CSPP1: variants seen among roughly 807,000 people sequenced by gnomAD.
CSPP1 encodes the protein centrosome and spindle pole associated protein 1.
A neutral mutation model predicts 164.4 loss-of-function variants in CSPP1; 126 were observed. That is an observed-to-expected ratio of 0.77 (90% CI 0.66 to 0.89). CSPP1 has a LOEUF of 0.89. Among genes scored for constraint, CSPP1 ranks in the 40% least tolerant of loss-of-function variants. CSPP1 has a pLI of 0.00. For missense variants in CSPP1, 1,395 were observed against 1,449.8 expected (o/e 0.96, Z 0.61); for synonymous variants, 472 against 476.7 (o/e 0.99, Z 0.13).
intron 28 of CSPP1, among the ~76,000 whole-genome samples, chr8:67,183,116 A>G (rs1833458049): frequency 6.6e-6 from 1 of 152,238 alleles, no homozygotes; most frequent in African/African-American, 2.4e-5. Flanking sequence ...TTTAGCTCTT[A>G]ATGTTTAGAT....
Position 67,195,736 on chromosome 8 carries a change from G to GTATAT in CSPP1, c.*147_*151dup. On this transcript the variant is annotated 3_prime_UTR_variant, in exon 31 of 31. Transcript: ENST00000678616. ...TATATAAAATTATTTTTATCATGAT[G>GTATAT]TATATTATGTACATAAATAAAAGGC... 1.6e-6 allele frequency: 1 copy of GTATAT among 628,388 alleles called. No individual in the cohort carries two copies. Among genetic ancestry groups the GTATAT allele is most frequent in the Non-Finnish European group, 2.8e-6 (1 of 353,498 alleles). The allele number at this position is 628,388 out of a possible 1,614,324, so 38.9% of individuals were successfully genotyped here. A position where few individuals can be genotyped will look rare whatever the true frequency, so the allele number is the denominator to read the frequency against.
In CSPP1 at chr8:67,132,191, C is replaced by G. The variant is rs1821371705; in HGVS notation, c.1827+111C>G. 5 of 1,115,392 alleles carry G rather than the reference C, an allele frequency of 4.5e-6. No homozygotes were observed. The South Asian group carries it at 9.0e-5, about 20-fold the overall frequency. 69.1% of individuals were successfully genotyped at this position (1,115,392 alleles called of 1,614,324 possible). A position where few individuals can be genotyped will look rare whatever the true frequency, so the allele number is the denominator to read the frequency against. On this transcript the variant is annotated intron_variant, in intron 16 of 30. Coordinates refer to ENST00000678616, the MANE Select transcript of CSPP1 (RefSeq NM_001382391.1). Reference sequence around the variant, plus strand: ...GGAAAAAAAACAGTTAATTATAATTCAAAATGCTGAGTTTTGAAGTGGATA... The same window carrying G: ...GGAAAAAAAACAGTTAATTATAATTGAAAATGCTGAGTTTTGAAGTGGATA...
At chr8:67,150,552 C>T (rs1825518473) in intron 18 of CSPP1, among the ~76,000 whole-genome samples, 1 of 151,994 alleles carries the variant, frequency 6.6e-6, no homozygotes, top group Admixed American at 6.6e-5. Flanking sequence ...CACAGGTACC[C>T]ACCACCACAC....
intron 28 of CSPP1, among the ~76,000 whole-genome samples, chr8:67,189,963 T>C (rs1178117153): frequency 6.6e-6 from 1 of 152,164 alleles, no homozygotes; most frequent in Non-Finnish European, 1.5e-5. Flanking sequence ...TACCAAGTGT[T>C]GGTGAGGATG....
chr8:67,076,505 T>C lies in CSPP1; in HGVS notation c.123T>C (p.Ser41=). 1 of 1,592,356 alleles carries C rather than the reference T, an allele frequency of 6.3e-7. No homozygotes were observed. The highest frequency in any genetic ancestry group is 1.2e-5 in the South Asian group (1 of 86,554). The change falls in exon 3 of 31, where the codon TCT becomes TCC. Residue 41 remains serine, a synonymous_variant. Transcript: ENST00000678616. ...AGGGAAAGTTGTCAGCGAAGCTTTC[T>C]GAAAACAGTAAGATACTGATCTCTA... ...EMKGKLSAKL[S]ENSKILISMA... is the part of the protein sequence containing the mutation.
At chr8:67,166,988 C>A (rs1464808364) in intron 24 of CSPP1, among the ~76,000 whole-genome samples, 2 of 152,106 alleles carry the variant, frequency 1.3e-5, no homozygotes, top group Non-Finnish European at 2.9e-5. Context: ...CGCCCTTAAT[C>A]CATTTAACCC....
chr8:67,065,223 G>C (rs1805298550), intron 1 of CSPP1, among the ~76,000 whole-genome samples: 1 of 152,134 alleles, frequency 6.6e-6, no homozygotes, highest in Non-Finnish European at 1.5e-5. Flanking sequence ...GACTGCTTGA[G>C]CTTGAACCTC....
intron 6 of CSPP1, 136 bp from the exon 7 acceptor site, chr8:67,095,157 T>TAA: frequency 2.1e-6 from 1 of 477,760 alleles, no homozygotes; most frequent in Non-Finnish European, 3.6e-6. Flanking sequence ...AAAACGTATA[T>TAA]ATATATAAAT....
At chr8:67,092,288 C>T (rs1051560025) in intron 5 of CSPP1, among the ~76,000 whole-genome samples, 1 of 152,106 alleles carries the variant, frequency 6.6e-6, no homozygotes, top group African/African-American at 2.4e-5. Flanking sequence ...GATTCTGACA[C>T]TCCATTAATA....
At chr8:67,167,616 C>T (rs1195446580) in intron 24 of CSPP1, among the ~76,000 whole-genome samples, 2 of 151,600 alleles carry the variant, frequency 1.3e-5, no homozygotes, top group Admixed American at 6.6e-5. Flanking sequence ...CCTCACTTCT[C>T]AGACAGGGCG....
At chr8:67,182,555 C>T (rs1833320462) in intron 28 of CSPP1, among the ~76,000 whole-genome samples, 1 of 152,202 alleles carries the variant, frequency 6.6e-6, no homozygotes, top group South Asian at 2.1e-4. Context: ...TATTTGAAGA[C>T]TCACCACATT....
intron 6 of CSPP1, 113 bp from the exon 7 acceptor site, chr8:67,095,180 A>T: frequency 1.8e-6 from 1 of 562,726 alleles, no homozygotes; most frequent in Non-Finnish European, 3.0e-6. Flanking sequence ...ATGGGTGATT[A>T]AATAAACATC....
Position 67,083,260 on chromosome 8 carries a change from G to A in CSPP1, c.200-2747G>A, listed in dbSNP as rs529353128. 7.2e-5 allele frequency among the ~76,000 whole-genome samples: 11 copies of A among 151,948 alleles called. No individual in the cohort carries two copies. The East Asian group carries it at 1.2e-3, about 16-fold the overall frequency. On this transcript the variant is annotated intron_variant, in intron 3 of 30. Coordinates refer to ENST00000678616, the MANE Select transcript of CSPP1 (RefSeq NM_001382391.1). Reference sequence around the variant, plus strand: ...ACTTAATATGAATAATAGGCCGGGCGCAGTGGCTGAGGCCTGTAATCCCAG... The same window carrying A: ...ACTTAATATGAATAATAGGCCGGGCACAGTGGCTGAGGCCTGTAATCCCAG...
At chr8:67,085,496 A>G (rs2129543418) in intron 3 of CSPP1, among the ~76,000 whole-genome samples, 1 of 152,164 alleles carries the variant, frequency 6.6e-6, no homozygotes, top group Non-Finnish European at 1.5e-5. Flanking sequence ...GTTTTCCTAG[A>G]CTGAAAATGA....
chr8:67,064,394 C>A lies in CSPP1; in HGVS notation c.-155C>A. On this transcript the variant is annotated 5_prime_UTR_variant, in exon 1 of 31. It adds an upstream start codon to the 5' untranslated region. Transcript: ENST00000678616. ...AGGGGCGGAGCCCCGGCCCGGAGGT[C>A]TGTCATGCTGTTCCCGCTCCAGGTG... is the stretch of plus-strand genomic sequence containing the variant. 1 of 1,613,142 alleles carries A rather than the reference C, an allele frequency of 6.2e-7. No individual in the cohort carries two copies. The highest frequency in any genetic ancestry group is 8.5e-7 in the Non-Finnish European group (1 of 1,179,718).
chr8:67,120,669 G>T (rs762560873), intron 15 of CSPP1, among the ~76,000 whole-genome samples: 7 of 151,862 alleles, frequency 4.6e-5, no homozygotes, highest in Non-Finnish European at 1.0e-4. Flanking sequence ...ATTGTTCATT[G>T]TTAGTGTATA....
At chr8:67,101,770 T>C (rs1814174002) in intron 7 of CSPP1, among the ~76,000 whole-genome samples, 2 of 152,114 alleles carry the variant, frequency 1.3e-5, no homozygotes, top group Non-Finnish European at 2.9e-5. Context: ...AGAAGTTTCT[T>C]TTTTTTTCCG....
chr8:67,189,143 T>C (rs1023646473), intron 28 of CSPP1, among the ~76,000 whole-genome samples: 1 of 152,170 alleles, frequency 6.6e-6, no homozygotes, highest in African/African-American at 2.4e-5. Context: ...TATGGAGCAA[T>C]AGGAACTCTC....
chr8:67,083,531 CAAAA>C (rs1171275894), intron 3 of CSPP1, among the ~76,000 whole-genome samples: 3 of 71,866 alleles, frequency 4.2e-5, no homozygotes, highest in African/African-American at 1.4e-4. Flanking sequence ...GACTTTGTCT[CAAAA>C]AAAAAAAAAA....
Sources: allele counts gnomAD v4.1 joint callset (sites outside exome capture counted in the v4.1 genomes callset), GRCh38; gene constraint gnomAD v4.1.1; transcripts MANE v1.5; gene names NCBI Gene and HGNC (gene_info 2026-07-23, HGNC 2026-07-21).